The following TGS1 variants were observed in gnomAD, a reference collection of about 807,000 sequenced individuals.
The protein encoded by TGS1 is trimethylguanosine synthase.
TGS1 carries 69 observed loss-of-function variants against 92.2 expected under a neutral mutation model. The observed-to-expected ratio is 0.75, with a 90% CI of 0.62 to 0.91. The LOEUF (loss-of-function observed/expected upper bound fraction) is 0.91. TGS1 is among the 40% of genes least tolerant of loss of function. The probability of loss-of-function intolerance (pLI) is 0.00; values close to 1 mark genes in which losing one functional copy is unlikely to be tolerated. For missense variants in TGS1, 1,062 were observed against 1,001.2 expected (o/e 1.06, Z -0.82); for synonymous variants, 345 against 338.1 (o/e 1.02, Z -0.22).
intron 5 of TGS1, 56 bp downstream of exon 5, chr8:55,790,355 A>C: frequency 1.8e-6 from 2 of 1,082,488 alleles, no homozygotes; most frequent in Middle Eastern, 4.0e-4. Flanking sequence ...ATTTGTATGC[A>C]TAAGCCAGTG....
intron 12 of TGS1, among the ~76,000 whole-genome samples, chr8:55,823,169 G>A (rs1238641561): frequency 1.3e-5 from 2 of 151,520 alleles, no homozygotes; most frequent in South Asian, 2.1e-4. Context: ...AGAAAGTAAC[G>A]TATTTGCTAT....
intron 8 of TGS1, among the ~76,000 whole-genome samples, chr8:55,801,495 G>C (rs865979778): frequency 3.4e-5 from 5 of 148,550 alleles, no homozygotes; most frequent in Admixed American, 6.8e-5. Context: ...GGCTGATCTT[G>C]AACTCCTGAC....
At chr8:55,809,270 AAG>A (rs1376638611) in intron 10 of TGS1, among the ~76,000 whole-genome samples, 2 of 152,184 alleles carry the variant, frequency 1.3e-5, no homozygotes, top group Non-Finnish European at 2.9e-5. Context: ...GCTGTTGTTA[AAG>A]ATATCTTTCC....
intron 7 of TGS1, among the ~76,000 whole-genome samples, 149 bp from the exon 8 acceptor site, chr8:55,798,761 ATTAC>A (rs1321930148): frequency 1.3e-5 from 2 of 151,986 alleles, no homozygotes; most frequent in South Asian, 4.1e-4. Flanking sequence ...TTAGGTCAGA[ATTAC>A]TTACTATTAA....
At chr8:55,798,005 T>C (rs1316558798) in intron 7 of TGS1, among the ~76,000 whole-genome samples, 2 of 152,242 alleles carry the variant, frequency 1.3e-5, no homozygotes, top group African/African-American at 4.8e-5. Context: ...TGAAACAGAC[T>C]GCCTAGTATT....
At chr8:55,778,384 G>C (rs999589576) in intron 1 of TGS1, among the ~76,000 whole-genome samples, 5 of 152,164 alleles carry the variant, frequency 3.3e-5, no homozygotes, top group African/African-American at 4.8e-5. Context: ...TGATTTCATT[G>C]AATCTCCCTC....
intron 10 of TGS1, among the ~76,000 whole-genome samples, chr8:55,810,547 A>C (rs1365944410): frequency 1.3e-5 from 2 of 152,108 alleles, no homozygotes; most frequent in African/African-American, 4.8e-5. Context: ...ACCTTTTCCT[A>C]CTCAGGCTGT....
rs138041822 is a variant in TGS1, at chr8:55,804,944, G to A, written c.2051G>A (p.Arg684His). ...AAGATTGCTGAACACATTGCTGGCC[G>A]TGTTAGTCAGTCCTTCAAGTGTGAC... ...PEKIAEHIAG[R>H]VSQSFKCDVV... is the part of the protein sequence containing the mutation. Residue 684 changes from arginine to histidine, a missense_variant, in exon 10 of 13, where the codon CGT (arginine) becomes CAT (histidine). Coordinates refer to ENST00000260129, the MANE Select transcript of TGS1 (RefSeq NM_024831.8). 3.6e-5 allele frequency: 58 copies of A among 1,613,876 alleles called. No homozygotes were observed. The highest frequency in any genetic ancestry group is 4.5e-5 in the Non-Finnish European group (53 of 1,179,942).
At position 55,781,841 on chromosome 8, in the gene TGS1, CT is replaced by C. The variant is rs1811572563; in HGVS notation, c.102-905del. 2.0e-5 allele frequency among the ~76,000 whole-genome samples: 3 copies of C among 152,196 alleles called. No individual in the cohort carries two copies. The East Asian group carries it at 5.8e-4, about 29-fold the overall frequency. ...TTAGCTTCCACTTGCAATTGGCCTT[CT>C]TGTGGCAGTTACAGTGGAGTTTATT... On this transcript the variant is annotated intron_variant, in intron 1 of 12. Coordinates refer to ENST00000260129, the MANE Select transcript of TGS1 (RefSeq NM_024831.8).
intron 1 of TGS1, among the ~76,000 whole-genome samples, chr8:55,780,182 T>C (rs1476886110): frequency 6.6e-6 from 1 of 150,588 alleles, no homozygotes; most frequent in Non-Finnish European, 1.5e-5. Flanking sequence ...TTTTCTTTTT[T>C]TTTTTGAGTC....
intron 9 of TGS1, among the ~76,000 whole-genome samples, 154 bp downstream of exon 9, chr8:55,802,760 ATATG>A: frequency 6.6e-6 from 1 of 152,210 alleles, no homozygotes; most frequent in East Asian, 1.9e-4. Context: ...TTCTCTCTCC[ATATG>A]TATGTGTGTG....
At chr8:55,819,231 C>G (rs544887190) in intron 12 of TGS1, among the ~76,000 whole-genome samples, 2 of 150,714 alleles carry the variant, frequency 1.3e-5, no homozygotes, top group South Asian at 4.2e-4. Context: ...CCACCGTGCC[C>G]GGCCTGGTAG....
At chr8:55,795,652 T>A (rs181668633) in intron 6 of TGS1, among the ~76,000 whole-genome samples, 43 of 152,320 alleles carry the variant, frequency 2.8e-4, no homozygotes, top group Admixed American at 1.5e-3. Flanking sequence ...TATATTTCCC[T>A]AACAAGGGGA....
Position 55,785,715 on chromosome 8 carries a change from A to G in TGS1, c.167-4A>G, listed in dbSNP as rs1315161958. On this transcript the variant is annotated splice_polypyrimidine_tract_variant and splice_region_variant and intron_variant, in intron 2 of 12. Transcript: ENST00000260129. The stretch of plus-strand genomic sequence containing the variant: ...AAAACTAAGCTAATAAATGGTGTCT[A>G]TAGGAGACCAGGCGACAGAAGAAGA... The G allele has an allele frequency of 1.3e-6, 2 of 1,599,534 alleles. No individual in the cohort carries two copies. Among genetic ancestry groups the G allele is most frequent in the Admixed American group, 1.8e-5 (1 of 56,822 alleles).
rs1238683645 is a variant in TGS1 at position 55,825,953 on chromosome 8, T to G, written c.*1250T>G. 6.6e-6 allele frequency among the ~76,000 whole-genome samples: 1 copy of G among 151,260 alleles called. No individual in the cohort carries two copies. The highest frequency in any genetic ancestry group is 2.4e-5 in the African/African-American group (1 of 41,136). On this transcript the variant is annotated 3_prime_UTR_variant, in exon 13 of 13. Coordinates refer to ENST00000260129, the MANE Select transcript of TGS1 (RefSeq NM_024831.8). ...GGCGTGATCTCAGCTTACTGCAACC[T>G]CCACCTCCTACCTCAGCCTCCCGAG...
In TGS1 at chr8:55,786,114, G is replaced by A. The variant is rs1811701714; in HGVS notation, c.340-124G>A. 2.4e-5 allele frequency: 17 copies of A among 718,848 alleles called. No individual in the cohort carries two copies. In the South Asian group the frequency reaches 3.5e-4, roughly 15 times the overall value. The allele number at this position is 718,848 out of a possible 1,614,324, so 44.5% of individuals were successfully genotyped here. A position where few individuals can be genotyped will look rare whatever the true frequency, so the allele number is the denominator to read the frequency against. ...AGATAGTATATCACTTGTTTGTGGA[G>A]CTAAAAGCCCATAGTGGGGCTTTAG... On this transcript the variant is annotated intron_variant, in intron 3 of 12. Coordinates refer to ENST00000260129, the MANE Select transcript of TGS1 (RefSeq NM_024831.8).
chr8:55,801,689 C>T (rs143741040), intron 8 of TGS1, among the ~76,000 whole-genome samples: 7,080 of 143,822 alleles, frequency 0.049, 242 homozygotes, highest in Non-Finnish European at 0.075. Context: ...CCCGGGTTCA[C>T]GCCATTCTTC....
intron 1 of TGS1, among the ~76,000 whole-genome samples, chr8:55,779,591 C>T (rs1811502377): frequency 6.6e-6 from 1 of 152,202 alleles, no homozygotes; most frequent in Non-Finnish European, 1.5e-5. Flanking sequence ...GCAGCCCAGG[C>T]TACATGCTTA....
chr8:55,784,310 A>G (rs190330729), intron 2 of TGS1, among the ~76,000 whole-genome samples: 12 of 152,268 alleles, frequency 7.9e-5, no homozygotes, highest in African/African-American at 2.9e-4. Context: ...TATAAGAATT[A>G]GATTCAGAGA....
Sources: gnomAD v4.1 joint callset for allele counts (sites outside exome capture counted in the v4.1 genomes callset) on GRCh38, gnomAD v4.1.1 for gene constraint, MANE v1.5 for transcripts, NCBI Gene and HGNC (gene_info 2026-07-23, HGNC 2026-07-21) for gene names.